ROBO2: variants seen among roughly 807,000 people sequenced by gnomAD.
ROBO2 encodes the protein roundabout guidance receptor 2.
Under a neutral mutation model 160.8 loss-of-function variants are expected in ROBO2, and 53 were observed. That is an observed-to-expected ratio of 0.33 (90% CI 0.26 to 0.41). The LOEUF (loss-of-function observed/expected upper bound fraction) is 0.41, where lower values mean the gene tolerates loss of function less well. Ranked by LOEUF, ROBO2 falls within the 10% of genes least tolerant of loss-of-function variation. The pLI is 1.00. For missense variants in ROBO2, 1,577 were observed against 1,722.4 expected, an observed-to-expected ratio of 0.92 and a Z score of 1.49; for synonymous variants, 664 against 611.7, an observed-to-expected ratio of 1.09 and a Z score of -1.26.
chr3:76,648,568 G>A (rs866833803), intron 2 of ROBO2, among the ~76,000 whole-genome samples: 8 of 152,046 alleles, frequency 5.3e-5, no homozygotes, highest in Admixed American at 2.0e-4. Flanking sequence ...TAACTGTATT[G>A]TGATTATATA....
At chr3:76,819,012 C>T (rs2065906909) in intron 2 of ROBO2, among the ~76,000 whole-genome samples, 1 of 151,954 alleles carries the variant, frequency 6.6e-6, no homozygotes, top group South Asian at 2.1e-4. Flanking sequence ...CCCTCAGAAC[C>T]CAGGATAATG....
chr3:76,093,175 T>C (rs73842972), intron 2 of ROBO2, among the ~76,000 whole-genome samples: 2,990 of 152,230 alleles, frequency 0.02, 36 homozygotes, highest in East Asian at 0.081. Context: ...ATGTGAATGA[T>C]ACATATTTTA....
At chr3:76,875,145 C>T (rs996151653) in intron 2 of ROBO2, among the ~76,000 whole-genome samples, 6 of 152,136 alleles carry the variant, frequency 3.9e-5, no homozygotes, top group Non-Finnish European at 8.8e-5. Flanking sequence ...TTCACCCCTT[C>T]CATCCCTTCT....
At chr3:76,011,061 C>T (rs1182825258) in intron 2 of ROBO2, among the ~76,000 whole-genome samples, 1 of 152,104 alleles carries the variant, frequency 6.6e-6, no homozygotes, top group East Asian at 1.9e-4. Context: ...CAAGATATAA[C>T]CTTGAAGAAA....
At chr3:77,107,922 TCTGC>T (rs1194306706) in intron 2 of ROBO2, among the ~76,000 whole-genome samples, 7 of 152,176 alleles carry the variant, frequency 4.6e-5, no homozygotes, top group African/African-American at 1.7e-4. Flanking sequence ...TTTATATAAA[TCTGC>T]CTGCCTCATT....
At chr3:76,910,628 A>C (rs1257697090) in intron 2 of ROBO2, among the ~76,000 whole-genome samples, 1 of 147,476 alleles carries the variant, frequency 6.8e-6, no homozygotes, top group Non-Finnish European at 1.5e-5. Flanking sequence ...CGGGAGGCTG[A>C]GGCAGGAGAA....
intron 2 of ROBO2, among the ~76,000 whole-genome samples, chr3:76,859,180 G>T (rs926442652): frequency 6.6e-6 from 1 of 152,024 alleles, no homozygotes; most frequent in African/African-American, 2.4e-5. Flanking sequence ...AGAAGTCAAG[G>T]GTGAAAGTGA....
intron 2 of ROBO2, among the ~76,000 whole-genome samples, chr3:76,083,477 G>GT (rs1324943883): frequency 6.6e-6 from 1 of 151,852 alleles, no homozygotes; most frequent in African/African-American, 2.4e-5. Context: ...TTTTTGTTTT[G>GT]TTTTTTAGCA....
chr3:76,890,944 T>A lies in ROBO2; in HGVS notation c.110-207070T>A, dbSNP rs554349812. On this transcript the variant is annotated intron_variant, in intron 2 of 26. Coordinates refer to the ROBO2 transcript ENST00000487694. ...TATTAAGAATGATGTTTGTTGAAGG[T>A]TTCTGGTATATATTATTTGTGAAAT... Among the ~76,000 whole-genome samples the A allele has an allele frequency of 5.9e-5, 9 of 152,280 alleles. No individual in the cohort carries two copies. In the South Asian group the frequency reaches 1.2e-3, roughly 21 times the overall value.
intron 2 of ROBO2, among the ~76,000 whole-genome samples, chr3:76,677,701 T>G (rs747842810): frequency 2.6e-4 from 40 of 152,184 alleles, no homozygotes; most frequent in Non-Finnish European, 4.7e-4. Flanking sequence ...TACAGTACTT[T>G]TATACTAAGA....
intron 8 of ROBO2, among the ~76,000 whole-genome samples, chr3:77,556,720 AC>A (rs2153657789): frequency 6.6e-6 from 1 of 152,072 alleles, no homozygotes; most frequent in Admixed American, 6.6e-5. Flanking sequence ...TTGAGAAACA[AC>A]AGTTTATCTT....
intron 2 of ROBO2, among the ~76,000 whole-genome samples, chr3:76,792,655 A>G (rs2063439789): frequency 6.6e-6 from 1 of 151,592 alleles, no homozygotes; most frequent in Admixed American, 6.6e-5. Context: ...CTATTTCACT[A>G]TGTCTAAAAT....
chr3:76,626,051 G>A (rs1284593856), intron 2 of ROBO2, among the ~76,000 whole-genome samples: 5 of 152,180 alleles, frequency 3.3e-5, no homozygotes, highest in Non-Finnish European at 7.3e-5. Context: ...TGTATTCTCA[G>A]ATTGTGTCAA....
intron 2 of ROBO2, among the ~76,000 whole-genome samples, chr3:76,702,415 T>A (rs2093064347): frequency 6.6e-6 from 1 of 151,764 alleles, no homozygotes. Flanking sequence ...TGTGAAAACA[T>A]AGGGGGAAAA....
At chr3:77,369,985 A>T (rs1018209874) in intron 2 of ROBO2, among the ~76,000 whole-genome samples, 3 of 152,212 alleles carry the variant, frequency 2.0e-5, no homozygotes, top group African/African-American at 7.2e-5. Context: ...CTCCTAAAAC[A>T]CTGTGTTTAA....
At chr3:77,072,286 A>G (rs1430556520) in intron 1 of ROBO2, among the ~76,000 whole-genome samples, 1 of 152,188 alleles carries the variant, frequency 6.6e-6, no homozygotes, top group African/African-American at 2.4e-5. Context: ...GGTGAGTTGT[A>G]TACTTATTTC....
chr3:77,362,437 T>G (rs1452088422), intron 2 of ROBO2, among the ~76,000 whole-genome samples: 1 of 152,126 alleles, frequency 6.6e-6, no homozygotes, highest in East Asian at 1.9e-4. Context: ...TGATTAGGTA[T>G]CATCTGGGGG....
At chr3:76,511,361 G>A (rs1358371682) in intron 2 of ROBO2, among the ~76,000 whole-genome samples, 2 of 152,146 alleles carry the variant, frequency 1.3e-5, no homozygotes, top group African/African-American at 2.4e-5. Context: ...CAAACATTTT[G>A]TACCAGTGAC....
chr3:77,074,347 A>G (rs760104004), intron 1 of ROBO2, among the ~76,000 whole-genome samples: 28 of 152,142 alleles, frequency 1.8e-4, no homozygotes, highest in Non-Finnish European at 3.7e-4. Flanking sequence ...TGCCTGTGCT[A>G]TAACTCTAGG....
Sources: allele counts gnomAD v4.1 joint callset (sites outside exome capture counted in the v4.1 genomes callset), GRCh38; gene constraint gnomAD v4.1.1; transcripts MANE v1.5; gene names NCBI Gene and HGNC (gene_info 2026-07-23, HGNC 2026-07-21).